NKAIN2: variants seen among roughly 807,000 people sequenced by gnomAD.
NKAIN2 encodes sodium/potassium transporting ATPase interacting 2.
Under a neutral mutation model 32.6 loss-of-function variants are expected in NKAIN2, and 14 were observed. That is an observed-to-expected ratio of 0.43 (90% CI 0.28 to 0.67). The LOEUF (loss-of-function observed/expected upper bound fraction) is 0.67. NKAIN2 is among the 30% of genes least tolerant of loss of function. The pLI is 0.17. For missense variants in NKAIN2, 198 were observed against 258.3 expected (o/e 0.77, Z 1.60); for synonymous variants, 80 against 87.2 (o/e 0.92, Z 0.46).
chr6:123,959,560 T>C (rs1163413546), intron 1 of NKAIN2, among the ~76,000 whole-genome samples: 1 of 152,138 alleles, frequency 6.6e-6, no homozygotes, highest in Non-Finnish European at 1.5e-5. Flanking sequence ...GCCAAAGGGG[T>C]ATATTCATAC....
intron 1 of NKAIN2, among the ~76,000 whole-genome samples, chr6:124,260,658 A>C (rs556795764): frequency 2.0e-5 from 3 of 152,132 alleles, no homozygotes; most frequent in African/African-American, 7.2e-5. Context: ...TTACTCTGAC[A>C]TGGGAAGCCA....
chr6:124,419,584 T>C (rs1774653950), intron 3 of NKAIN2, among the ~76,000 whole-genome samples: 1 of 152,156 alleles, frequency 6.6e-6, no homozygotes, highest in African/African-American at 2.4e-5. Context: ...ATTTCTATCT[T>C]TCTATGATCC....
At chr6:124,361,036 A>G (rs1402701537) in intron 3 of NKAIN2, among the ~76,000 whole-genome samples, 1 of 152,156 alleles carries the variant, frequency 6.6e-6, no homozygotes, top group Non-Finnish European at 1.5e-5. Context: ...AGAAATAAGA[A>G]CTAACCTCAG....
At chr6:124,237,892 A>T (rs1792862659) in intron 1 of NKAIN2, among the ~76,000 whole-genome samples, 1 of 152,142 alleles carries the variant, frequency 6.6e-6, no homozygotes, top group South Asian at 2.1e-4. Context: ...GAGAAAGATG[A>T]TAGAAAGATG....
intron 2 of NKAIN2, among the ~76,000 whole-genome samples, chr6:124,346,492 G>A (rs1270789827): frequency 6.6e-6 from 1 of 152,096 alleles, no homozygotes. Flanking sequence ...GGTCACTCAG[G>A]ACTTGCTTTA....
intron 1 of NKAIN2, among the ~76,000 whole-genome samples, chr6:123,852,051 G>C (rs1265741174): frequency 6.6e-6 from 1 of 152,052 alleles, no homozygotes; most frequent in African/African-American, 2.4e-5. Flanking sequence ...TGAAGCTTTA[G>C]CCATATGTTT....
chr6:123,993,377 A>G (rs1051602533), intron 1 of NKAIN2, among the ~76,000 whole-genome samples: 2 of 152,178 alleles, frequency 1.3e-5, no homozygotes, highest in Admixed American at 6.5e-5. Flanking sequence ...GATGAACATC[A>G]ATATCAATTT....
At chr6:124,231,046 C>A (rs982849292) in intron 1 of NKAIN2, among the ~76,000 whole-genome samples, 2 of 152,050 alleles carry the variant, frequency 1.3e-5, no homozygotes, top group African/African-American at 2.4e-5. Context: ...CTATACCCTG[C>A]AAAACTGCAG....
At chr6:124,114,798 T>C (rs1470587765) in intron 1 of NKAIN2, among the ~76,000 whole-genome samples, 1 of 152,168 alleles carries the variant, frequency 6.6e-6, no homozygotes, top group Admixed American at 6.5e-5. Flanking sequence ...AGGATTCTGC[T>C]ACATTCTTAG....
intron 1 of NKAIN2, among the ~76,000 whole-genome samples, chr6:124,239,670 A>T (rs1229554002): frequency 6.6e-6 from 1 of 152,238 alleles, no homozygotes; most frequent in Admixed American, 6.5e-5. Flanking sequence ...AAATTAAGGC[A>T]GAAATAAAGA....
rs532747487 is a variant in NKAIN2, at chr6:124,650,779, C to G, written c.274-7407C>G. ...GTGACATACTCAAACCATAGCACTTCTGGTCCGCCAGAATCTATGTTCACC... is the reference window on the plus strand; with the variant it reads ...GTGACATACTCAAACCATAGCACTTGTGGTCCGCCAGAATCTATGTTCACC... On this transcript the variant is annotated intron_variant, in intron 3 of 6. Coordinates refer to ENST00000368417, the MANE Select transcript of NKAIN2 (RefSeq NM_001040214.3). Among the ~76,000 whole-genome samples the G allele has an allele frequency of 2.6e-5, 4 of 152,314 alleles. No individual in the cohort carries two copies. In the South Asian group the frequency reaches 8.3e-4, roughly 32 times the overall value.
At chr6:123,906,295 T>C (rs181654131) in intron 1 of NKAIN2, among the ~76,000 whole-genome samples, 175 of 152,040 alleles carry the variant, frequency 1.2e-3, no homozygotes, top group African/African-American at 4.0e-3. Flanking sequence ...TTTTTTTTTT[T>C]CCTTTTCAGT....
intron 3 of NKAIN2, among the ~76,000 whole-genome samples, chr6:124,600,159 C>T (rs544431631): frequency 2.6e-5 from 4 of 152,118 alleles, no homozygotes; most frequent in South Asian, 2.1e-4. Context: ...ACTACAGTTC[C>T]GGGTGTTGTT....
chr6:124,687,437 T>TACATAC (rs1773998028), intron 4 of NKAIN2, among the ~76,000 whole-genome samples: 1 of 110,240 alleles, frequency 9.1e-6, no homozygotes, highest in Admixed American at 8.9e-5. Context: ...GTATACCATA[T>TACATAC]ACATACATGG....
chr6:124,093,998 T>C (rs758917068), intron 1 of NKAIN2, among the ~76,000 whole-genome samples: 3 of 152,180 alleles, frequency 2.0e-5, no homozygotes, highest in Non-Finnish European at 2.9e-5. Flanking sequence ...GCATTTGATA[T>C]ATGCAACTGG....
intron 4 of NKAIN2, among the ~76,000 whole-genome samples, chr6:124,659,218 G>A (rs1299211266): frequency 1.3e-5 from 2 of 152,058 alleles, no homozygotes; most frequent in Non-Finnish European, 2.9e-5. Context: ...ATTTTTCTTA[G>A]ATTCTATGTG....
At chr6:124,055,628 A>G (rs1582547503) in intron 1 of NKAIN2, among the ~76,000 whole-genome samples, 1 of 148,304 alleles carries the variant, frequency 6.7e-6, no homozygotes, top group African/African-American at 2.6e-5. Flanking sequence ...ATTCCTGATT[A>G]TTGGGTAATT....
At chr6:124,541,477 T>C (rs1251694547) in intron 3 of NKAIN2, among the ~76,000 whole-genome samples, 1 of 152,186 alleles carries the variant, frequency 6.6e-6, no homozygotes, top group Admixed American at 6.5e-5. Context: ...TAATATAACC[T>C]ATAATTATGG....
chr6:124,704,897 G>C (rs777719181), intron 4 of NKAIN2, among the ~76,000 whole-genome samples: 2 of 151,676 alleles, frequency 1.3e-5, no homozygotes, highest in Non-Finnish European at 2.9e-5. Flanking sequence ...TACCACCCAA[G>C]AAAAACCAAT....
Sources: gnomAD v4.1 joint callset for allele counts (sites outside exome capture counted in the v4.1 genomes callset) on GRCh38, gnomAD v4.1.1 for gene constraint, MANE v1.5 for transcripts, NCBI Gene and HGNC (gene_info 2026-07-23, HGNC 2026-07-21) for gene names.